SBSPON: variants seen among roughly 807,000 people sequenced by gnomAD.
SBSPON encodes somatomedin B and thrombospondin type 1 domain containing, also known as somatomedin-B and thrombospondin type-1 domain-containing protein.
SBSPON carries 30 observed loss-of-function variants against 35.8 expected under a neutral mutation model. The observed-to-expected ratio is 0.84, with a 90% confidence interval of 0.63 to 1.14. SBSPON has a LOEUF of 1.14. Among genes scored for constraint, SBSPON ranks in the 50% most tolerant of loss-of-function variants. SBSPON has a pLI of 0.00. For missense variants in SBSPON, 364 were observed against 357.7 expected (o/e 1.02, Z -0.14); for synonymous variants, 136 against 135.9 (o/e 1.00, Z 0.00).
intron 1 of SBSPON, among the ~76,000 whole-genome samples, chr8:73,090,324 TA>T (rs200338510): frequency 2.0e-5 from 3 of 152,198 alleles, no homozygotes; most frequent in South Asian, 2.1e-4. Flanking sequence ...CTTCTGGGAT[TA>T]AAAAAAATCA....
chr8:73,085,621 C>T (rs1015464368), intron 1 of SBSPON: 6 of 150,658 alleles, frequency 4.0e-5, no homozygotes, highest in Non-Finnish European at 7.4e-5. Context: ...CAGGTCTGTT[C>T]GCAGCTCGAG....
chr8:73,072,159 G>T (rs1487693125), intron 2 of SBSPON, among the ~76,000 whole-genome samples: 1 of 152,088 alleles, frequency 6.6e-6, no homozygotes, highest in Admixed American at 6.6e-5. Context: ...AGGAAAGGAA[G>T]ATGGGGGTCA....
intron 1 of SBSPON, among the ~76,000 whole-genome samples, chr8:73,089,759 C>T (rs1340998090): frequency 1.3e-5 from 2 of 152,250 alleles, no homozygotes; most frequent in East Asian, 1.9e-4. Context: ...AAGAGCCAAC[C>T]AACAGTACAT....
chr8:73,088,801 A>G (rs1810881609), intron 1 of SBSPON, among the ~76,000 whole-genome samples: 1 of 152,240 alleles, frequency 6.6e-6, no homozygotes, highest in South Asian at 2.1e-4. Flanking sequence ...AGTAATAGCC[A>G]TAAATTGGCA....
intron 1 of SBSPON, among the ~76,000 whole-genome samples, chr8:73,089,842 C>G (rs2130044598): frequency 6.6e-6 from 1 of 152,290 alleles, no homozygotes; most frequent in Non-Finnish European, 1.5e-5. Flanking sequence ...CTTCTGTCAA[C>G]TCCACAGTCC....
intron 3 of SBSPON, 66 bp from the exon 4 acceptor site, chr8:73,070,047 T>C (rs1810464026): frequency 9.4e-7 from 1 of 1,064,870 alleles, no homozygotes; most frequent in Admixed American, 2.6e-5. Context: ...GTAGAAAGTC[T>C]TAGAAAGCCT....
At position 73,069,285 on chromosome 8, in the gene SBSPON, C is replaced by CT. The variant is rs531454111; in HGVS notation, c.677+519dup. On this transcript the variant is annotated intron_variant, in intron 4 of 4. Transcript: ENST00000297354. ...GGAATGTGATCTAAACTCCAATATC[C>CT]TTTTTTTTTTTCTTCTGGAGACAGA... is the stretch of plus-strand genomic sequence containing the variant. Among the ~76,000 whole-genome samples, 55 of 147,506 alleles carry CT rather than the reference C, an allele frequency of 3.7e-4. 1 individual carries two copies. The highest frequency in any genetic ancestry group is 6.0e-4 in the East Asian group (3 of 5,022).
At chr8:73,080,475 A>T (rs190391233) in intron 2 of SBSPON, among the ~76,000 whole-genome samples, 48 of 152,318 alleles carry the variant, frequency 3.2e-4, no homozygotes, top group African/African-American at 1.2e-3. Flanking sequence ...AGATCATGCC[A>T]CTGCCCTCCA....
intron 2 of SBSPON, among the ~76,000 whole-genome samples, chr8:73,077,420 G>C (rs906798206): frequency 6.6e-6 from 1 of 152,230 alleles, no homozygotes. Flanking sequence ...CAGTAACAGG[G>C]ACACAGGTGA....
At chr8:73,074,678 G>T in intron 2 of SBSPON, 1 of 492,384 alleles carries the variant, frequency 2.0e-6, no homozygotes, top group Non-Finnish European at 2.6e-6. Flanking sequence ...TTTCTGTCAC[G>T]AATCATTATG....
chr8:73,072,316 CAAAAG>C (rs1563486670), intron 2 of SBSPON, among the ~76,000 whole-genome samples: 5 of 151,640 alleles, frequency 3.3e-5, no homozygotes, highest in Non-Finnish European at 5.9e-5. Flanking sequence ...AGAGAGAAGA[CAAAAG>C]AGAGTAAAAG....
intron 1 of SBSPON, among the ~76,000 whole-genome samples, chr8:73,082,141 G>A (rs564081632): frequency 6.6e-6 from 1 of 152,282 alleles, no homozygotes; most frequent in Non-Finnish European, 1.5e-5. Flanking sequence ...ATTTAAAAAT[G>A]CAATTTCCTC....
intron 1 of SBSPON, among the ~76,000 whole-genome samples, chr8:73,087,576 T>C (rs1460602294): frequency 6.6e-6 from 1 of 152,200 alleles, no homozygotes; most frequent in Non-Finnish European, 1.5e-5. Context: ...CTGGTTCCTG[T>C]AAAGCCTCAA....
At chr8:73,091,840 G>A (rs9298216) in intron 1 of SBSPON, among the ~76,000 whole-genome samples, 42,789 of 152,108 alleles carry the variant, frequency 0.28, 6,462 homozygotes, top group Middle Eastern at 0.37. Flanking sequence ...AAACAGCACA[G>A]AGGCAGGAGG....
At position 73,069,879 on chromosome 8, in the gene SBSPON, C is replaced by T. The variant is rs778717729; in HGVS notation, c.603G>A (p.Val201=). 1.7e-5 allele frequency: 28 copies of T among 1,613,812 alleles called. No homozygotes were observed. The South Asian group carries it at 2.7e-4, about 16-fold the overall frequency. ...TAGCTGGAGGCTGACAATCCACACA[C>T]ACCGTGTATCCCTCTCGGAGATACT... ...WMQYLREGYT[V]CVDCQPPAMN... The change falls in exon 4 of 5, where the codon GTG becomes GTA. Residue 201 remains valine, a synonymous_variant. Transcript: ENST00000297354.
Position 73,088,512 on chromosome 8 carries a change from G to T in SBSPON, c.214+4342C>A, listed in dbSNP as rs564577918. On this transcript the variant is annotated intron_variant, in intron 1 of 4. Coordinates refer to ENST00000297354, the MANE Select transcript of SBSPON (RefSeq NM_153225.4). Reference sequence around the variant, plus strand: ...AGCTTGGGCAACATGGGGAAACTTCGTCTCCACAAAAAATAGCCAGGCTTG... The same window carrying T: ...AGCTTGGGCAACATGGGGAAACTTCTTCTCCACAAAAAATAGCCAGGCTTG... Among the ~76,000 whole-genome samples the T allele has an allele frequency of 2.0e-5, 3 of 151,988 alleles. No individual in the cohort carries two copies. In the South Asian group the frequency reaches 6.2e-4, roughly 32 times the overall value.
At chr8:73,092,054 T>A (rs1810945367) in intron 1 of SBSPON, among the ~76,000 whole-genome samples, 1 of 152,240 alleles carries the variant, frequency 6.6e-6, no homozygotes, top group Admixed American at 6.5e-5. Flanking sequence ...GCTGTACTCA[T>A]CATTTGTTCC....
intron 1 of SBSPON, among the ~76,000 whole-genome samples, chr8:73,083,600 T>C (rs974605807): frequency 3.9e-5 from 6 of 152,256 alleles, no homozygotes; most frequent in Non-Finnish European, 7.3e-5. Flanking sequence ...AGATTTCCTT[T>C]TGGACGATGC....
rs969849133 is a variant in SBSPON at position 73,067,164 on chromosome 8, A to C, written c.*177T>G. 2.3e-5 allele frequency: 11 copies of C among 488,338 alleles called. No homozygotes were observed. Among genetic ancestry groups the C allele is most frequent in the Non-Finnish European group, 4.1e-5 (11 of 271,062 alleles). The allele number at this position is 488,338 out of a possible 1,614,324, so 30.3% of individuals were successfully genotyped here. ...TGGGTCTTCAACTTAGTTAAAATAA[A>C]AATAAAGGACCTGTGTTCCTTGAGA... On this transcript the variant is annotated 3_prime_UTR_variant, in exon 5 of 5. Coordinates refer to ENST00000297354, the MANE Select transcript of SBSPON (RefSeq NM_153225.4).
Sources: gnomAD v4.1 joint callset for allele counts (sites outside exome capture counted in the v4.1 genomes callset) on GRCh38, gnomAD v4.1.1 for gene constraint, MANE v1.5 for transcripts, NCBI Gene and HGNC (gene_info 2026-07-23, HGNC 2026-07-21) for gene names.